Variants in GRIP2 observed in about 807,000 individuals in gnomAD.
GRIP2 encodes the protein glutamate receptor-interacting protein 2.
GRIP2 carries 58 observed loss-of-function variants against 108.3 expected under a neutral mutation model. That is an observed-to-expected ratio of 0.54 (90% confidence interval 0.43 to 0.67). The LOEUF is 0.67. GRIP2 is among the 30% of genes least tolerant of loss of function. The pLI is 0.00. For missense variants in GRIP2, 1,278 were observed against 1,430.6 expected (o/e 0.89, Z 1.72); for synonymous variants, 586 against 598.2 (o/e 0.98, Z 0.30).
At chr3:14,560,439 T>C (rs1695301040), upstream of GRIP2, among the ~76,000 whole-genome samples, 1 of 152,194 alleles carries the variant, frequency 6.6e-6, no homozygotes, top group Non-Finnish European at 1.5e-5. Context: ...AGGAGCTTTG[T>C]CTTTCAGCTC....
At chr3:14,496,938 AGT>A (rs1335519683) in intron 21 of GRIP2, among the ~76,000 whole-genome samples, 2 of 150,188 alleles carry the variant, frequency 1.3e-5, no homozygotes, top group Non-Finnish European at 3.0e-5. Context: ...TTGAACCCAG[AGT>A]CTAGTTCCAA....
chr3:14,582,055 G>C, the GRIP2 span, among the ~76,000 whole-genome samples: 1 of 152,168 alleles, frequency 6.6e-6, no homozygotes, highest in Admixed American at 6.5e-5. Context: ...AGAGATACTG[G>C]TCAGGAGCAT....
At chr3:14,541,334 C>T (rs1287638897), upstream of GRIP2, among the ~76,000 whole-genome samples, 2 of 152,220 alleles carry the variant, frequency 1.3e-5, no homozygotes, top group African/African-American at 4.8e-5. Flanking sequence ...TACAACTGCA[C>T]AGTGCGTCTG....
chr3:14,555,082 CA>C (rs909541747), intron 1 of GRIP2, among the ~76,000 whole-genome samples: 1 of 152,148 alleles, frequency 6.6e-6, no homozygotes, highest in African/African-American at 2.4e-5. Flanking sequence ...AGCTCCTCCC[CA>C]CCCCCACTCC....
At chr3:14,546,404 G>A (rs1019814136), upstream of GRIP2, among the ~76,000 whole-genome samples, 3 of 152,168 alleles carry the variant, frequency 2.0e-5, no homozygotes, top group Admixed American at 6.5e-5. Flanking sequence ...GGGCTGCAAG[G>A]GTCAGGATGG....
At chr3:14,504,566 T>A (rs1376073482) in intron 20 of GRIP2, among the ~76,000 whole-genome samples, 1 of 152,104 alleles carries the variant, frequency 6.6e-6, no homozygotes, top group South Asian at 2.1e-4. Flanking sequence ...CACTTCAGCC[T>A]CCTGAAGTGC....
rs955812745 is a variant in GRIP2 at position 14,524,551 on chromosome 3, G to T, written c.258-13C>A. On this transcript the variant is annotated splice_polypyrimidine_tract_variant and intron_variant, in intron 3 of 23. Transcript: ENST00000621039. ...CAGCAGATCACTCCTAGAGCAGGAAGGCCAGGGCACACATGGTAACAGGTG... is the reference window on the plus strand; with the variant it reads ...CAGCAGATCACTCCTAGAGCAGGAATGCCAGGGCACACATGGTAACAGGTG... 2.6e-6 allele frequency: 4 copies of T among 1,550,974 alleles called. No homozygotes were observed. The African/African-American group carries it at 5.5e-5, about 21-fold the overall frequency.
intron 23 of GRIP2, 77 bp from the exon 24 acceptor site, chr3:14,493,903 G>A (rs1285847910): frequency 6.7e-7 from 1 of 1,497,386 alleles, no homozygotes; most frequent in South Asian, 1.3e-5. Flanking sequence ...GGCATGTGAT[G>A]TCCTAAAGAT....
chr3:14,573,400 T>C, the GRIP2 span: 2 of 1,342,412 alleles, frequency 1.5e-6, no homozygotes, highest in Non-Finnish European at 2.1e-6. Context: ...TGGAAGCAGA[T>C]GGACACCAGG....
the GRIP2 span, among the ~76,000 whole-genome samples, chr3:14,590,533 G>C: frequency 6.6e-6 from 1 of 152,222 alleles, no homozygotes; most frequent in African/African-American, 2.4e-5. Context: ...ACAAGGAGTA[G>C]AGAGAGAATG....
chr3:14,600,842 T>G, the GRIP2 span, among the ~76,000 whole-genome samples: 6 of 152,162 alleles, frequency 3.9e-5, no homozygotes, highest in African/African-American at 1.4e-4. Flanking sequence ...CAATCCCAAC[T>G]CAGATTTTCC....
intron 2 of GRIP2, 52 bp downstream of exon 2, chr3:14,525,799 G>A: frequency 2.0e-6 from 3 of 1,519,466 alleles, no homozygotes; most frequent in Non-Finnish European, 1.8e-6. Context: ...CCCACCTAGG[G>A]CTCTCTGTGC....
the GRIP2 span, among the ~76,000 whole-genome samples, chr3:14,585,117 C>T: frequency 3.3e-5 from 5 of 152,318 alleles, no homozygotes; most frequent in East Asian, 1.9e-4. Context: ...CTTTGCCTCC[C>T]GGGTTCAAAC....
chr3:14,511,113 G>C lies in GRIP2; in HGVS notation c.1933+52C>G. On this transcript the variant is annotated intron_variant, in intron 16 of 23. Coordinates refer to ENST00000621039, the MANE Select transcript of GRIP2 (RefSeq NM_001080423.4). This position sits in a 1 kb window ranked among gnomAD's most constrained non-coding sequence, Gnocchi z 4.1. Reference sequence around the variant, plus strand: ...GCCCTGAATTGCAAGCTGGGAACCCGCTAGTCAAAGGGTGGGCCTCTGGAG... The same window carrying C: ...GCCCTGAATTGCAAGCTGGGAACCCCCTAGTCAAAGGGTGGGCCTCTGGAG... 6.3e-7 allele frequency: 1 copy of C among 1,597,888 alleles called. No individual in the cohort carries two copies. Among genetic ancestry groups the C allele is most frequent in the Non-Finnish European group, 8.5e-7 (1 of 1,170,504 alleles).
chr3:14,577,893 G>A, the GRIP2 span, among the ~76,000 whole-genome samples: 1 of 152,220 alleles, frequency 6.6e-6, no homozygotes, highest in East Asian at 1.9e-4. Context: ...GCTAAGGATG[G>A]TGCAAACCCT....
At chr3:14,596,724 T>C in the GRIP2 span, among the ~76,000 whole-genome samples, 3 of 151,762 alleles carry the variant, frequency 2.0e-5, no homozygotes, top group African/African-American at 7.3e-5. Flanking sequence ...CTATCTTATG[T>C]GGGATGATTA....
chr3:14,573,162 A>C, the GRIP2 span: 1 of 1,435,466 alleles, frequency 7.0e-7, no homozygotes, highest in African/African-American at 1.4e-5. Flanking sequence ...CACCACAGCC[A>C]GCAGCTTGAA....
the GRIP2 span, among the ~76,000 whole-genome samples, chr3:14,596,388 G>T: frequency 6.3e-4 from 96 of 152,276 alleles, 1 homozygote; most frequent in African/African-American, 2.3e-3. Context: ...GAGAGAGACA[G>T]TAGGTTAAAC....
At chr3:14,584,802 A>G in the GRIP2 span, among the ~76,000 whole-genome samples, 3 of 152,038 alleles carry the variant, frequency 2.0e-5, no homozygotes, top group African/African-American at 7.2e-5. Flanking sequence ...GCACCCATAC[A>G]TCTCCCCTGG....
Sources: allele counts gnomAD v4.1 joint callset (sites outside exome capture counted in the v4.1 genomes callset), GRCh38; gene constraint gnomAD v4.1.1; non-coding constraint Gnocchi (gnomAD v3.1); transcripts MANE v1.5; gene names NCBI Gene and HGNC (gene_info 2026-07-23, HGNC 2026-07-21).